The following NAA35 variants were observed in gnomAD, a reference collection of about 807,000 sequenced individuals.
NAA35 encodes the protein N-alpha-acetyltransferase 35, NatC auxiliary subunit, also known as MAK10 homolog, amino-acid N-acetyltransferase subunit.
Under a neutral mutation model 101.7 loss-of-function variants are expected in NAA35, and 18 were observed. The ratio of observed to expected loss-of-function variants is 0.18; its 90% CI spans 0.12 to 0.26. NAA35 has a LOEUF of 0.26. Ranked by LOEUF, NAA35 falls within the 10% of genes least tolerant of loss-of-function variation. The pLI is 1.00. For missense variants in NAA35, 601 were observed against 886.8 expected, an observed-to-expected ratio of 0.68 and a Z score of 4.09; for synonymous variants, 267 against 273.1, an observed-to-expected ratio of 0.98 and a Z score of 0.22.
chr9:85,986,283 G>C (rs1830641351), intron 11 of NAA35, among the ~76,000 whole-genome samples: 1 of 152,208 alleles, frequency 6.6e-6, no homozygotes, highest in Admixed American at 6.5e-5. Context: ...TTAAATCATA[G>C]TGGTGCTAAT....
chr9:86,012,692 T>C (rs1474913981), intron 15 of NAA35, among the ~76,000 whole-genome samples: 1 of 152,192 alleles, frequency 6.6e-6, no homozygotes, highest in East Asian at 1.9e-4. Context: ...TATTAGGCAT[T>C]CTGACATATT....
intron 15 of NAA35, 100 bp from the exon 16 acceptor site, chr9:86,012,946 A>AT (rs963257930): frequency 2.7e-5 from 19 of 700,518 alleles, no homozygotes; most frequent in South Asian, 1.9e-4. Context: ...CATACACAGC[A>AT]TTTTTTTCCC....
chr9:85,970,158 C>T (rs192820027), intron 6 of NAA35, among the ~76,000 whole-genome samples: 2 of 152,324 alleles, frequency 1.3e-5, no homozygotes, highest in Admixed American at 1.3e-4. Context: ...TAAACCAGAA[C>T]TATACCATAG....
intron 12 of NAA35, among the ~76,000 whole-genome samples, chr9:86,000,417 G>A (rs1412818354): frequency 6.6e-6 from 1 of 151,508 alleles, no homozygotes; most frequent in African/African-American, 2.4e-5. Context: ...CCTCATAGAA[G>A]GAGTTGGGGA....
chr9:85,996,774 A>G (rs186177521), intron 12 of NAA35, among the ~76,000 whole-genome samples, 197 bp downstream of exon 12: 5 of 152,320 alleles, frequency 3.3e-5, no homozygotes, highest in East Asian at 1.9e-4. Context: ...TAAATACTAT[A>G]CATACATACT....
chr9:85,988,954 A>G (rs1189498801), intron 11 of NAA35, among the ~76,000 whole-genome samples: 1 of 152,204 alleles, frequency 6.6e-6, no homozygotes, highest in East Asian at 1.9e-4. Context: ...GTATAATGGA[A>G]CAGAAAAAAA....
intron 6 of NAA35, among the ~76,000 whole-genome samples, chr9:85,963,339 C>T (rs535818594): frequency 1.2e-4 from 15 of 127,048 alleles, no homozygotes; most frequent in South Asian, 1.0e-3. Context: ...GGGGCAGTTT[C>T]GGCTCACTGC....
chr9:85,953,188 G>C (rs558427216), intron 2 of NAA35, among the ~76,000 whole-genome samples: 57 of 151,774 alleles, frequency 3.8e-4, no homozygotes, highest in African/African-American at 1.4e-3. Context: ...TCTCCAGCCT[G>C]GGCAACAGAG....
intron 14 of NAA35, among the ~76,000 whole-genome samples, chr9:86,009,445 T>C (rs1364265383): frequency 6.6e-6 from 1 of 152,098 alleles, no homozygotes; most frequent in African/African-American, 2.4e-5. Context: ...TTATAACCAA[T>C]GGTGAGGAGT....
At chr9:85,971,710 A>G (rs573749059) in intron 6 of NAA35, among the ~76,000 whole-genome samples, 1 of 152,314 alleles carries the variant, frequency 6.6e-6, no homozygotes, top group Admixed American at 6.5e-5. Context: ...GCCTTATCCC[A>G]GGAAATGGTA....
At position 85,987,884 on chromosome 9, in the gene NAA35, A is replaced by C. The variant is rs1830719263; in HGVS notation, c.878-8515A>C. 2.6e-5 allele frequency among the ~76,000 whole-genome samples: 4 copies of C among 152,244 alleles called. No individual in the cohort carries two copies. The South Asian group carries it at 8.3e-4, about 31-fold the overall frequency. ...AAAACTTGAAGGGAAAAAACTAGGG[A>C]TTCTCTTGGAATAATCACAGGTGTG... On this transcript the variant is annotated intron_variant, in intron 11 of 22. Coordinates refer to ENST00000361671, the MANE Select transcript of NAA35 (RefSeq NM_024635.4).
At chr9:85,981,582 A>G (rs1830441706) in intron 11 of NAA35, among the ~76,000 whole-genome samples, 1 of 152,116 alleles carries the variant, frequency 6.6e-6, no homozygotes, top group South Asian at 2.1e-4. Flanking sequence ...GATCTCCTCT[A>G]TTACTCTGGT....
Position 86,007,421 on chromosome 9 carries a change from G to A in NAA35, c.1180G>A (p.Asp394Asn), listed in dbSNP as rs1364512196. ...TCATCTCATGCAAGACATGGTGAAAGATGCACTTCGGTCTTTTGTCAGTCC... is the reference window on the plus strand; with the variant it reads ...TCATCTCATGCAAGACATGGTGAAAAATGCACTTCGGTCTTTTGTCAGTCC... The part of the protein sequence containing the change: ...GTHLMQDMVK[D>N]ALRSFVSPPV... Residue 394 changes from aspartate to asparagine, a missense_variant, in exon 14 of 23, where the codon GAT becomes AAT. By Grantham distance (23) the Asp-to-Asn change is conservative. Around this residue, in one of 8 missense-constraint regions of NAA35, gnomAD observed 190 missense variants for 223.1 expected, o/e 0.85. Transcript: ENST00000361671. The A allele has an allele frequency of 6.2e-7, 1 of 1,613,818 alleles. No individual in the cohort carries two copies. Among genetic ancestry groups the A allele is most frequent in the Admixed American group, 1.7e-5 (1 of 60,014 alleles).
intron 15 of NAA35, among the ~76,000 whole-genome samples, chr9:86,011,536 T>A (rs1831918121): frequency 6.6e-6 from 1 of 150,828 alleles, no homozygotes; most frequent in African/African-American, 2.4e-5. Flanking sequence ...TTTTTTTGTA[T>A]TTTTTGTGGA....
intron 11 of NAA35, 50 bp from the exon 12 acceptor site, chr9:85,996,349 A>C: frequency 7.6e-7 from 1 of 1,308,004 alleles, no homozygotes; most frequent in Non-Finnish European, 1.1e-6. Context: ...TTTGCAGTTT[A>C]AAATTCAGAG....
At chr9:85,993,175 G>A (rs1387021414) in intron 11 of NAA35, among the ~76,000 whole-genome samples, 1 of 152,088 alleles carries the variant, frequency 6.6e-6, no homozygotes, top group Non-Finnish European at 1.5e-5. Context: ...AAGTAGGAAA[G>A]GCTAATCTTG....
chr9:86,008,483 A>G (rs543984294), intron 14 of NAA35, among the ~76,000 whole-genome samples: 1 of 152,342 alleles, frequency 6.6e-6, no homozygotes, highest in East Asian at 1.9e-4. Flanking sequence ...ATAAATCAAC[A>G]GTATATTAAT....
intron 11 of NAA35, among the ~76,000 whole-genome samples, chr9:85,987,715 A>G (rs1271300418): frequency 6.6e-6 from 1 of 152,214 alleles, no homozygotes; most frequent in Admixed American, 6.5e-5. Flanking sequence ...GAATCTTTCC[A>G]GTGTCTTAAA....
At chr9:85,972,593 T>TAGGA (rs1233499428) in intron 6 of NAA35, among the ~76,000 whole-genome samples, 2 of 151,356 alleles carry the variant, frequency 1.3e-5, no homozygotes, top group African/African-American at 4.9e-5. Context: ...TCTGAAAAAT[T>TAGGA]AGGAGACCTG....
Sources: allele counts gnomAD v4.1 joint callset (sites outside exome capture counted in the v4.1 genomes callset), GRCh38; gene constraint gnomAD v4.1.1; regional missense constraint gnomAD v4.1.1; transcripts MANE v1.5; gene names NCBI Gene and HGNC (gene_info 2026-07-23, HGNC 2026-07-21).